Variants in SVOPL observed in about 807,000 individuals in gnomAD.
The protein encoded by SVOPL is putative transporter SVOPL.
SVOPL carries 60 observed loss-of-function variants against 61.0 expected under a neutral mutation model. That is an observed-to-expected ratio of 0.98 (90% CI 0.80 to 1.22). The LOEUF is 1.22. Among genes scored for constraint, SVOPL ranks in the 50% most tolerant of loss-of-function variants. The pLI is 0.00. For synonymous variants in SVOPL, 279 were observed against 250.0 expected, an observed-to-expected ratio of 1.12 and a Z score of -1.09; for missense variants, 662 against 643.9, an observed-to-expected ratio of 1.03 and a Z score of -0.30.
At chr7:138,639,399 G>A (rs1010427797) in intron 9 of SVOPL, among the ~76,000 whole-genome samples, 22 of 152,014 alleles carry the variant, frequency 1.4e-4, no homozygotes, top group Admixed American at 8.5e-4. Flanking sequence ...GGCTGAGGTG[G>A]GTGGGCCACA....
Position 138,611,742 on chromosome 7 carries a change from G to A in SVOPL, c.1353+9304C>T, listed in dbSNP as rs1346384046. ...AAAGATTGAAAATTAAAGCTAGATA[G>A]GAGGAATAAGTTCTAATGCTCTATA... On this transcript the variant is annotated intron_variant, in intron 14 of 15. Coordinates refer to ENST00000674285, the MANE Select transcript of SVOPL (RefSeq NM_001139456.2). Among the ~76,000 whole-genome samples the A allele has an allele frequency of 1.0e-4, 2 of 19,382 alleles. 1 individual carries two copies. Among genetic ancestry groups the A allele is most frequent in the Non-Finnish European group, 3.0e-4 (2 of 6,746 alleles). The allele number at this position is 19,382 out of a possible 152,430, so 12.7% of individuals were successfully genotyped here.
intron 12 of SVOPL, among the ~76,000 whole-genome samples, chr7:138,626,348 C>T (rs1584798423): frequency 6.6e-6 from 1 of 152,268 alleles, no homozygotes; most frequent in Non-Finnish European, 1.5e-5. Flanking sequence ...GAGGCCGAGG[C>T]AGCTAGATCG....
intron 13 of SVOPL, among the ~76,000 whole-genome samples, chr7:138,622,050 CTATG>C (rs1799631742): frequency 2.6e-5 from 1 of 39,170 alleles, no homozygotes; most frequent in African/African-American, 1.0e-4. Context: ...ATCTATCTAT[CTATG>C]TATCTATCTA....
At chr7:138,670,555 C>T (rs943070043) in intron 4 of SVOPL, among the ~76,000 whole-genome samples, 1 of 152,182 alleles carries the variant, frequency 6.6e-6, no homozygotes, top group Admixed American at 6.5e-5. Flanking sequence ...CCATTTTCTA[C>T]ACCACTATGA....
At position 138,649,207 on chromosome 7, in the gene SVOPL, T is replaced by A. The variant is rs527255950; in HGVS notation, c.535-70A>T. 292 of 1,499,588 alleles carry A rather than the reference T, an allele frequency of 1.9e-4. No homozygotes were observed. In the African/African-American group the frequency reaches 3.7e-3, roughly 19 times the overall value. 92.9% of individuals were successfully genotyped at this position (1,499,588 alleles called of 1,614,324 possible). On this transcript the variant is annotated intron_variant, in intron 7 of 15. Coordinates refer to ENST00000674285, the MANE Select transcript of SVOPL (RefSeq NM_001139456.2). ...GACAATGAAAAAAAAAAAGGAAAAA[T>A]ATATATTTTTAGAAAGATTAAAATT...
At chr7:138,597,956 G>A (rs563037210) in intron 14 of SVOPL, among the ~76,000 whole-genome samples, 1 of 152,120 alleles carries the variant, frequency 6.6e-6, no homozygotes, top group African/African-American at 2.4e-5. Flanking sequence ...CCAGGGTCAG[G>A]GAGAGTAACT....
intron 7 of SVOPL, among the ~76,000 whole-genome samples, chr7:138,654,913 G>A (rs1250760772): frequency 6.7e-6 from 1 of 149,948 alleles, no homozygotes; most frequent in Non-Finnish European, 1.5e-5. Flanking sequence ...AGAGCCTGCT[G>A]GGTACAGTGG....
chr7:138,599,781 G>A (rs1388359508), intron 14 of SVOPL, among the ~76,000 whole-genome samples: 2 of 151,792 alleles, frequency 1.3e-5, no homozygotes, highest in African/African-American at 2.4e-5. Context: ...CCAGCTACTC[G>A]GGAGGCTGAG....
At chr7:138,678,847 GGT>G in intron 2 of SVOPL, 115 bp downstream of exon 2, 1 of 1,053,632 alleles carries the variant, frequency 9.5e-7, no homozygotes, top group South Asian at 1.6e-5. Flanking sequence ...TGGGATTACA[GGT>G]GTGAGCCACC....
intron 14 of SVOPL, among the ~76,000 whole-genome samples, chr7:138,599,716 C>T (rs147068994): frequency 3.3e-3 from 509 of 151,968 alleles, no homozygotes; most frequent in African/African-American, 0.012. Context: ...GGTGAAACCC[C>T]GTCTCTACTA....
intron 6 of SVOPL, 37 bp downstream of exon 6, chr7:138,659,827 C>T (rs571719352): frequency 1.2e-5 from 18 of 1,545,942 alleles, no homozygotes; most frequent in Middle Eastern, 1.8e-4. Flanking sequence ...CAGGGGTACA[C>T]GTTTCTGTCT....
intron 1 of SVOPL, among the ~76,000 whole-genome samples, chr7:138,692,011 T>G (rs1389893402): frequency 6.6e-6 from 1 of 151,910 alleles, no homozygotes; most frequent in African/African-American, 2.4e-5. Flanking sequence ...AGAGACAGGG[T>G]TTCACCATAC....
intron 5 of SVOPL, 136 bp downstream of exon 5, chr7:138,662,938 T>C (rs1011605732): frequency 6.7e-7 from 1 of 1,490,716 alleles, no homozygotes; most frequent in Admixed American, 2.4e-5. Context: ...GAATGTTCCA[T>C]CAGGGAGGGA....
chr7:138,673,836 C>G (rs1802488787), intron 3 of SVOPL, among the ~76,000 whole-genome samples: 1 of 152,052 alleles, frequency 6.6e-6, no homozygotes, highest in African/African-American at 2.4e-5. Context: ...AGGCAGGGAG[C>G]CAGGGTGGGG....
chr7:138,608,805 A>G (rs1234753860), intron 14 of SVOPL, among the ~76,000 whole-genome samples: 1 of 152,226 alleles, frequency 6.6e-6, no homozygotes, highest in African/African-American at 2.4e-5. Context: ...AAATACTGAT[A>G]CATTTGAGTG....
intron 5 of SVOPL, chr7:138,661,628 GA>G (rs1358780039): frequency 1.0e-6 from 1 of 983,744 alleles, no homozygotes; most frequent in Non-Finnish European, 1.2e-6. Context: ...CATGTTTTTA[GA>G]TTTTGTGACA....
In SVOPL at chr7:138,699,304, C is replaced by CA. The variant is rs202199991; in HGVS notation, c.-35+1873dup. ...GGGCGACAACAGCGAAACTCCATCTCAAAAAATAAAAAAATAATAAAAACA... is the reference window on the plus strand; with the variant it reads ...GGGCGACAACAGCGAAACTCCATCTCAAAAAAATAAAAAAATAATAAAAACA... On this transcript the variant is annotated intron_variant, in intron 1 of 15. Coordinates refer to ENST00000674285, the MANE Select transcript of SVOPL (RefSeq NM_001139456.2). Among the ~76,000 whole-genome samples, 166 of 151,908 alleles carry CA rather than the reference C, an allele frequency of 1.1e-3. 1 individual carries two copies. In the East Asian group the frequency reaches 0.027, roughly 25 times the overall value.
At chr7:138,677,129 A>C (rs1040890354) in intron 3 of SVOPL, among the ~76,000 whole-genome samples, 6 of 151,792 alleles carry the variant, frequency 4.0e-5, no homozygotes, top group Admixed American at 2.6e-4. Context: ...TGGTCTCGAT[A>C]TCCTGACCTC....
At position 138,679,069 on chromosome 7, in the gene SVOPL, A is replaced by C. The variant is rs754830380; in HGVS notation, c.-24T>G. ...ATCTTCTAAATAGCTCAAGTTCCCCAAACAGCTTCCCTGGTGGAAGCAAGG... is the reference window on the plus strand; with the variant it reads ...ATCTTCTAAATAGCTCAAGTTCCCCCAACAGCTTCCCTGGTGGAAGCAAGG... On this transcript the variant is annotated 5_prime_UTR_variant, in exon 2 of 16. Transcript: ENST00000674285. 3.3e-5 allele frequency: 51 copies of C among 1,546,396 alleles called. No homozygotes were observed. Among genetic ancestry groups the C allele is most frequent in the Admixed American group, 7.9e-5 (4 of 50,872 alleles).
Sources: allele counts gnomAD v4.1 joint callset (sites outside exome capture counted in the v4.1 genomes callset), GRCh38; gene constraint gnomAD v4.1.1; transcripts MANE v1.5; gene names NCBI Gene and HGNC (gene_info 2026-07-23, HGNC 2026-07-21).